The following OR9Q1 variants were observed in gnomAD, a reference collection of about 807,000 sequenced individuals.
OR9Q1 encodes olfactory receptor 9Q1.
For synonymous variants in OR9Q1, 153 were observed against 148.6 expected, an observed-to-expected ratio of 1.03 and a Z score of -0.22; for missense variants, 374 against 378.8, an observed-to-expected ratio of 0.99 and a Z score of 0.11.
Position 58,037,536 on chromosome 11 carries a change from CA to C in OR9Q1, c.-93+13433del, listed in dbSNP as rs1283162441. On this transcript the variant is annotated intron_variant, in intron 1 of 2. Transcript: ENST00000335397. ...GTTATGTAGTTTTCATTTATTGTAG[CA>C]GAAAAAATTCAAATTCCAACACAGG... Among the ~76,000 whole-genome samples the C allele has an allele frequency of 6.0e-5, 9 of 150,600 alleles. No individual in the cohort carries two copies. The East Asian group carries it at 1.7e-3, about 29-fold the overall frequency.
At chr11:58,031,586 C>T (rs200098678) in intron 1 of OR9Q1, 10 of 1,614,108 alleles carry the variant, frequency 6.2e-6, no homozygotes, top group Non-Finnish European at 8.5e-6. Flanking sequence ...GGCTGTGCTA[C>T]TGGCCTCCTC....
intron 1 of OR9Q1, among the ~76,000 whole-genome samples, chr11:58,043,252 T>G (rs1207961683): frequency 1.3e-5 from 2 of 152,198 alleles, no homozygotes; most frequent in Non-Finnish European, 2.9e-5. Flanking sequence ...CGGTGGAAAC[T>G]TTCTCTTCAA....
intron 2 of OR9Q1, among the ~76,000 whole-genome samples, chr11:58,142,354 A>G (rs1854258197): frequency 6.6e-6 from 1 of 152,186 alleles, no homozygotes; most frequent in Non-Finnish European, 1.5e-5. Context: ...TATTAAATAA[A>G]TAGATGAATA....
chr11:58,117,817 A>G (rs1427536137), intron 2 of OR9Q1: 2 of 152,164 alleles, frequency 1.3e-5, no homozygotes, highest in African/African-American at 4.8e-5. Flanking sequence ...CATCTTGAAG[A>G]TACCAAAGTA....
At chr11:58,138,057 C>T (rs1163248080) in intron 2 of OR9Q1, among the ~76,000 whole-genome samples, 1 of 152,186 alleles carries the variant, frequency 6.6e-6, no homozygotes, top group Non-Finnish European at 1.5e-5. Context: ...AGCACCCACA[C>T]TTGAATCCAG....
Position 58,136,690 on chromosome 11 carries a change from C to T in OR9Q1, c.-14-42741C>T, listed in dbSNP as rs545229151. The stretch of plus-strand genomic sequence containing the variant: ...AACTTCTAGCTCCTCTGAAGATGAG[C>T]GACCATTGGGCAACCTTAGTCTTTA... On this transcript the variant is annotated intron_variant, in intron 2 of 2. Coordinates refer to ENST00000335397, the MANE Select transcript of OR9Q1 (RefSeq NM_001005212.4). 3.9e-5 allele frequency among the ~76,000 whole-genome samples: 6 copies of T among 152,266 alleles called. No homozygotes were observed. In the South Asian group the frequency reaches 6.2e-4, roughly 16 times the overall value.
intron 2 of OR9Q1, among the ~76,000 whole-genome samples, chr11:58,111,943 C>G (rs1482874263): frequency 6.6e-6 from 1 of 152,112 alleles, no homozygotes; most frequent in Non-Finnish European, 1.5e-5. Context: ...ACATGCTTGA[C>G]TAGATGATCT....
chr11:58,102,601 T>C (rs68096057), intron 2 of OR9Q1, among the ~76,000 whole-genome samples: 5,722 of 152,124 alleles, frequency 0.038, 142 homozygotes, highest in Non-Finnish European at 0.059. Flanking sequence ...CATTTCATTT[T>C]CTCTTGGCCT....
chr11:58,120,441 G>A (rs570983658), intron 2 of OR9Q1, among the ~76,000 whole-genome samples: 102 of 151,810 alleles, frequency 6.7e-4, no homozygotes, highest in African/African-American at 2.0e-3. Context: ...ATCTTTTTTT[G>A]AATTTGAATA....
rs999094638 is a variant in OR9Q1 at position 58,045,056 on chromosome 11, T to A, written c.-92-10814T>A. 3 of 152,232 alleles carry A rather than the reference T, an allele frequency of 2.0e-5. No homozygotes were observed. The South Asian group carries it at 6.2e-4, about 31-fold the overall frequency. 9.4% of individuals were successfully genotyped at this position (152,232 alleles called of 1,614,324 possible). A position where few individuals can be genotyped will look rare whatever the true frequency, so the allele number is the denominator to read the frequency against. ...AAAAATTACCTTCAGACTATGTGTA[T>A]AAGTGGTATATGAAACATAAATGAA... is the stretch of plus-strand genomic sequence containing the variant. On this transcript the variant is annotated intron_variant, in intron 1 of 2. Coordinates refer to ENST00000335397, the MANE Select transcript of OR9Q1 (RefSeq NM_001005212.4).
chr11:58,121,549 C>T (rs879352143), intron 2 of OR9Q1, among the ~76,000 whole-genome samples: 2 of 152,198 alleles, frequency 1.3e-5, no homozygotes, highest in Admixed American at 6.5e-5. Context: ...GGATCCACAA[C>T]CAAGTCTCCA....
chr11:58,031,874 G>A (rs749842054), intron 1 of OR9Q1: 2 of 1,612,992 alleles, frequency 1.2e-6, no homozygotes, highest in Non-Finnish European at 1.7e-6. Flanking sequence ...TCTGGGTCGA[G>A]TCTTTTCTCT....
intron 2 of OR9Q1, among the ~76,000 whole-genome samples, chr11:58,089,188 G>C (rs2084722): frequency 0.99 from 150,447 of 151,920 alleles, 74,539 homozygotes; most frequent in East Asian, 1. Flanking sequence ...GTTGCAATTG[G>C]ATTTAGTGTT....
chr11:58,175,413 C>T (rs2119961535), intron 2 of OR9Q1, among the ~76,000 whole-genome samples: 1 of 152,196 alleles, frequency 6.6e-6, no homozygotes, highest in South Asian at 2.1e-4. Context: ...TCTCTTCTGT[C>T]CGAACTGACA....
intron 1 of OR9Q1, chr11:58,031,388 A>G: frequency 1.2e-6 from 2 of 1,614,150 alleles, no homozygotes; most frequent in Non-Finnish European, 1.7e-6. Flanking sequence ...GGGCACCTGC[A>G]TCCGTCTGGC....
chr11:58,088,742 G>A (rs1853656634), intron 2 of OR9Q1, among the ~76,000 whole-genome samples: 1 of 151,720 alleles, frequency 6.6e-6, no homozygotes, highest in Non-Finnish European at 1.5e-5. Flanking sequence ...CAGAAGGGTA[G>A]CTTGCTAAAA....
At chr11:58,087,413 T>G (rs1015515938) in intron 2 of OR9Q1, among the ~76,000 whole-genome samples, 1 of 151,902 alleles carries the variant, frequency 6.6e-6, no homozygotes, top group African/African-American at 2.4e-5. Context: ...TCTCACTCAA[T>G]GTTATGTTAG....
intron 2 of OR9Q1, among the ~76,000 whole-genome samples, chr11:58,079,278 C>T (rs1667507177): frequency 1.3e-5 from 2 of 150,892 alleles, no homozygotes; most frequent in South Asian, 2.1e-4. Flanking sequence ...GGTGTCATTT[C>T]TCTCAATTTT....
chr11:58,138,736 CTAAT>C (rs1314087103), intron 2 of OR9Q1, among the ~76,000 whole-genome samples: 1 of 152,200 alleles, frequency 6.6e-6, no homozygotes, highest in African/African-American at 2.4e-5. Flanking sequence ...ATTGAACAAG[CTAAT>C]TAACATATCT....
Sources: gnomAD v4.1 joint callset for allele counts (sites outside exome capture counted in the v4.1 genomes callset) on GRCh38, gnomAD v4.1.1 for gene constraint, MANE v1.5 for transcripts, NCBI Gene and HGNC (gene_info 2026-07-23, HGNC 2026-07-21) for gene names.